DYNC2H1: variants seen among roughly 807,000 people sequenced by gnomAD.
DYNC2H1 encodes dynein cytoplasmic 2 heavy chain 1, also known as cytoplasmic dynein 2 heavy chain 1.
A neutral mutation model predicts 570.0 loss-of-function variants in DYNC2H1; 410 were observed. The ratio of observed to expected loss-of-function variants is 0.72; its 90% confidence interval spans 0.66 to 0.78. The LOEUF is 0.78. DYNC2H1 is among the 30% of genes least tolerant of loss of function. The pLI, the probability that DYNC2H1 is intolerant of heterozygous loss-of-function variation, is 0.00. For missense variants in DYNC2H1, 4,865 were observed against 5,046.4 expected (o/e 0.96, Z 1.09); for synonymous variants, 1,688 against 1,677.6 (o/e 1.01, Z -0.15).
At chr11:103,458,176 A>AT (rs1298817840) in intron 87 of DYNC2H1, among the ~76,000 whole-genome samples, 13 of 151,928 alleles carry the variant, frequency 8.6e-5, no homozygotes, top group Admixed American at 2.0e-4. Flanking sequence ...CAGGTATAGG[A>AT]TTTTTTTTAT....
intron 67 of DYNC2H1, 145 bp downstream of exon 67, chr11:103,255,679 C>G (rs1865028567): frequency 1.3e-6 from 1 of 797,178 alleles, no homozygotes. Flanking sequence ...AAAATTCTAA[C>G]AAGAAGGGGA....
intron 63 of DYNC2H1, among the ~76,000 whole-genome samples, chr11:103,240,491 A>G (rs1024605777): frequency 6.6e-6 from 1 of 152,000 alleles, no homozygotes; most frequent in Non-Finnish European, 1.5e-5. Flanking sequence ...CTTATTTTCT[A>G]CCACCAGAGA....
At chr11:103,219,839 T>C in intron 55 of DYNC2H1, 76 bp from the exon 56 acceptor site, 1 of 847,458 alleles carries the variant, frequency 1.2e-6, no homozygotes, top group East Asian at 3.1e-5. Context: ...TATTTTGAAA[T>C]GTTATATTTT....
rs1461783330 is a variant in DYNC2H1, at chr11:103,249,906, C to T, written c.10043-3379C>T. 1.3e-5 allele frequency among the ~76,000 whole-genome samples: 2 copies of T among 152,078 alleles called. No individual in the cohort carries two copies. The highest frequency in any genetic ancestry group is 4.8e-5 in the African/African-American group (2 of 41,446). ...AACCATTGTTTGCTCTTTCTGATCA[C>T]ACCCAATTCCCAGGAAAAGTACATT... On this transcript the variant is annotated intron_variant, in intron 65 of 88. Transcript: ENST00000375735. The surrounding 1 kb of genome is among the most constrained non-coding windows in gnomAD (Gnocchi z 4.6).
intron 82 of DYNC2H1, among the ~76,000 whole-genome samples, chr11:103,348,636 C>CT (rs1331512143): frequency 6.6e-6 from 1 of 152,034 alleles, no homozygotes. Flanking sequence ...GGAGCTTTTC[C>CT]TTTTTATTGC....
At chr11:103,343,891 G>A (rs1939606608) in intron 82 of DYNC2H1, among the ~76,000 whole-genome samples, 1 of 152,186 alleles carries the variant, frequency 6.6e-6, no homozygotes, top group African/African-American at 2.4e-5. Context: ...TATAAGAGAA[G>A]TGTCATATTA....
intron 79 of DYNC2H1, among the ~76,000 whole-genome samples, chr11:103,314,833 A>G (rs1937724327): frequency 6.6e-6 from 1 of 151,992 alleles, no homozygotes; most frequent in African/African-American, 2.4e-5. Context: ...TATTGATAGC[A>G]ACGGTTTTCT....
intron 77 of DYNC2H1, among the ~76,000 whole-genome samples, chr11:103,306,724 AATTAT>A (rs1361525368): frequency 1.3e-5 from 2 of 152,172 alleles, no homozygotes; most frequent in African/African-American, 4.8e-5. Flanking sequence ...GTTAAACATC[AATTAT>A]ATTAAAATAA....
chr11:103,120,653 A>C (rs764865320), intron 7 of DYNC2H1, 36 bp from the exon 8 acceptor site: 12 of 1,605,804 alleles, frequency 7.5e-6, no homozygotes, highest in Non-Finnish European at 1.0e-5. Flanking sequence ...AGATTTAAAA[A>C]ATACTAAAGT....
chr11:103,462,093 A>G (rs892048724), intron 87 of DYNC2H1, among the ~76,000 whole-genome samples: 1 of 152,198 alleles, frequency 6.6e-6, no homozygotes, highest in Admixed American at 6.5e-5. Flanking sequence ...AGATGCTAAC[A>G]TGGCATTTGG....
In DYNC2H1 at chr11:103,363,758, A is replaced by G. The variant is rs1385951691; in HGVS notation, c.12156+5399A>G. 6.6e-6 allele frequency among the ~76,000 whole-genome samples: 1 copy of G among 152,236 alleles called. No individual in the cohort carries two copies. The highest frequency in any genetic ancestry group is 6.5e-5 in the Admixed American group (1 of 15,280). On this transcript the variant is annotated intron_variant, in intron 83 of 88. Coordinates refer to ENST00000375735, the MANE Select transcript of DYNC2H1 (RefSeq NM_001377.3). This position sits in a 1 kb window ranked among gnomAD's most constrained non-coding sequence, Gnocchi z 5.6. ...TTGTGACTAATAATTTAAGGCATCC[A>G]AAAGTGTTATTGTAGCTGATTTAGT...
rs1436550648 is a variant in DYNC2H1 at position 103,286,346 on chromosome 11, T to G, written c.10982T>G (p.Phe3661Cys). 1 of 1,613,502 alleles carries G rather than the reference T, an allele frequency of 6.2e-7. No homozygotes were observed. The highest frequency in any genetic ancestry group is 8.5e-7 in the Non-Finnish European group (1 of 1,179,766). Reference sequence around the variant, plus strand: ...AATAATTCAATGTGTGAGCAAGAGTTTCCATCTATCCTTGCAAAGAAAGTT... The same window carrying G: ...AATAATTCAATGTGTGAGCAAGAGTGTCCATCTATCCTTGCAAAGAAAGTT... ...YYNNSMCEQEFPSILAKKVSL... is the reference protein window; with the variant it reads ...YYNNSMCEQECPSILAKKVSL... Residue 3661 changes from phenylalanine to cysteine, a missense_variant, in exon 74 of 89, where the codon TTT becomes TGT. Phe to Cys is a radical substitution (Grantham distance 205). Coordinates refer to ENST00000375735, the MANE Select transcript of DYNC2H1 (RefSeq NM_001377.3).
intron 76 of DYNC2H1, among the ~76,000 whole-genome samples, chr11:103,304,394 C>A (rs1214413308): frequency 6.6e-6 from 1 of 151,970 alleles, no homozygotes; most frequent in African/African-American, 2.4e-5. Context: ...GTGATTTTGG[C>A]AGGAAGGTTA....
At chr11:103,131,000 A>G (rs1217986720) in intron 13 of DYNC2H1, among the ~76,000 whole-genome samples, 1 of 152,214 alleles carries the variant, frequency 6.6e-6, no homozygotes, top group African/African-American at 2.4e-5. Context: ...TAAGTGATAT[A>G]TAGTAATTAT....
At chr11:103,224,185 C>T (rs1426451718) in intron 59 of DYNC2H1, among the ~76,000 whole-genome samples, 2 of 151,938 alleles carry the variant, frequency 1.3e-5, no homozygotes, top group African/African-American at 2.4e-5. Flanking sequence ...AATTTGCTAT[C>T]GTTACTAAGT....
intron 83 of DYNC2H1, among the ~76,000 whole-genome samples, chr11:103,378,504 A>T (rs1401958866): frequency 6.6e-6 from 1 of 152,184 alleles, no homozygotes; most frequent in Non-Finnish European, 1.5e-5. Context: ...GGCCACTGTG[A>T]TGGCTAGGAC....
chr11:103,355,537 A>G (rs1940293936), intron 82 of DYNC2H1, among the ~76,000 whole-genome samples: 3 of 152,192 alleles, frequency 2.0e-5, no homozygotes, highest in Admixed American at 2.0e-4. Flanking sequence ...GTGCTTCATG[A>G]TATCCAAAGG....
chr11:103,158,813 T>C lies in DYNC2H1; in HGVS notation c.4260+4T>C. The C allele has an allele frequency of 6.8e-7, 1 of 1,464,682 alleles. No homozygotes were observed. Among genetic ancestry groups the C allele is most frequent in the Non-Finnish European group, 9.1e-7 (1 of 1,094,234 alleles). The allele number at this position is 1,464,682 out of a possible 1,614,324, so 90.7% of individuals were successfully genotyped here. ...ATCATTAAATGAATTTTTGGAGGCATGTTTTTTAAGAAAAAAATATATAAT... is the reference window on the plus strand; with the variant it reads ...ATCATTAAATGAATTTTTGGAGGCACGTTTTTTAAGAAAAAAATATATAAT... On this transcript the variant is annotated splice_donor_region_variant and intron_variant, in intron 27 of 88. Transcript: ENST00000375735.
intron 17 of DYNC2H1, among the ~76,000 whole-genome samples, chr11:103,139,404 G>T (rs978737676): frequency 6.6e-6 from 1 of 151,838 alleles, no homozygotes; most frequent in African/African-American, 2.4e-5. Context: ...AGAGATTCTG[G>T]TATGTTGTGT....
Sources: allele counts gnomAD v4.1 joint callset (sites outside exome capture counted in the v4.1 genomes callset), GRCh38; gene constraint gnomAD v4.1.1; non-coding constraint Gnocchi (gnomAD v3.1); transcripts MANE v1.5; gene names NCBI Gene and HGNC (gene_info 2026-07-23, HGNC 2026-07-21).